DMBT1: variants seen among roughly 807,000 people sequenced by gnomAD.
DMBT1 encodes scavenger receptor cysteine-rich domain-containing protein DMBT1.
In DMBT1, 198 loss-of-function variants were observed where a neutral mutation model predicts 252.9. That is an observed-to-expected ratio of 0.78 (90% CI 0.70 to 0.88). The LOEUF (loss-of-function observed/expected upper bound fraction) is 0.88. Ranked by LOEUF, DMBT1 falls within the 40% of genes least tolerant of loss-of-function variation. DMBT1 has a pLI of 0.00. For missense variants in DMBT1, 2,432 were observed against 2,404.7 expected (o/e 1.01, Z -0.24); for synonymous variants, 990 against 942.7 (o/e 1.05, Z -0.92).
chr10:122,561,339 C>A (rs919744485), intron 1 of DMBT1, among the ~76,000 whole-genome samples: 1 of 151,874 alleles, frequency 6.6e-6, no homozygotes, highest in African/African-American at 2.4e-5. Context: ...ATTAAGATTC[C>A]AAGTTTGTCT....
rs746678951 is a variant in DMBT1 at position 122,625,962 on chromosome 10, G to A, written c.5665G>A (p.Ala1889Thr). The change falls in exon 46 of 56, where the codon GCA becomes ACA. Residue 1889 changes from alanine (A) to threonine (T), a missense_variant. Ala to Thr is a moderately conservative substitution (Grantham distance 58). This residue lies in a region of DMBT1 where 1,162 missense variants were observed against 1,169.0 expected (regional missense o/e 0.99). Transcript: ENST00000338354. ...GTGGCATCCAACAACTACAACCACTGCAAGTAGGTATCACATTTTCTACCT... is the reference window on the plus strand; with the variant it reads ...GTGGCATCCAACAACTACAACCACTACAAGTAGGTATCACATTTTCTACCT... The part of the protein sequence containing the change: ...DWWHPTTTTT[A>T]RPSSNCGGFL... 6.2e-7 allele frequency: 1 copy of A among 1,611,270 alleles called. No individual in the cohort carries two copies. Among genetic ancestry groups the A allele is most frequent in the South Asian group, 1.1e-5 (1 of 91,010 alleles).
intron 17 of DMBT1, among the ~76,000 whole-genome samples, chr10:122,590,459 C>G (rs1160841034): frequency 1.3e-5 from 2 of 148,530 alleles, no homozygotes; most frequent in African/African-American, 4.9e-5. Context: ...CAAACTTAAT[C>G]ACTTTGGAGC....
At chr10:122,585,352 T>C in intron 15 of DMBT1, 43 bp downstream of exon 15, 2 of 1,565,626 alleles carry the variant, frequency 1.3e-6, no homozygotes, top group Non-Finnish European at 1.7e-6. Flanking sequence ...ACTCTCTACC[T>C]CTGGACAAAT....
chr10:122,620,817 T>C (rs2098059405), intron 43 of DMBT1, among the ~76,000 whole-genome samples: 1 of 152,218 alleles, frequency 6.6e-6, no homozygotes, highest in Non-Finnish European at 1.5e-5. Context: ...TCCATTCCTG[T>C]CACCTCCAGT....
intron 7 of DMBT1, 26 bp from the exon 8 acceptor site, chr10:122,577,785 C>T: frequency 1.2e-6 from 2 of 1,613,518 alleles, no homozygotes; most frequent in Non-Finnish European, 1.7e-6. Context: ...TGTTTGGTGT[C>T]TAATGTTGCT....
Position 122,620,911 on chromosome 10 carries a change from G to A in DMBT1, c.5285-146G>A. 6.1e-6 allele frequency: 9 copies of A among 1,466,628 alleles called. No homozygotes were observed. In the South Asian group the frequency reaches 1.1e-4, roughly 17 times the overall value. 90.9% of individuals were successfully genotyped at this position (1,466,628 alleles called of 1,614,324 possible). ...TCACTGCTTCTTCCACTATCATGAA[G>A]CTGAACCTCTGTCTGTATTCATATT... On this transcript the variant is annotated intron_variant, in intron 43 of 55. Transcript: ENST00000338354.
chr10:122,622,942 G>A (rs1189851422), intron 44 of DMBT1, among the ~76,000 whole-genome samples: 1 of 152,140 alleles, frequency 6.6e-6, no homozygotes, highest in African/African-American at 2.4e-5. Flanking sequence ...TCTATCCTGA[G>A]ATGGAACCTT....
chr10:122,600,212 C>T (rs1176530020), intron 27 of DMBT1, 119 bp downstream of exon 27: 9 of 1,377,514 alleles, frequency 6.5e-6, no homozygotes, highest in Admixed American at 2.3e-5. Context: ...ATTATTTCTA[C>T]CCCCAACACC....
rs372643846 is a variant in DMBT1, at chr10:122,640,220, G to A, written c.7123G>A (p.Glu2375Lys). 9.9e-6 allele frequency: 16 copies of A among 1,613,944 alleles called. No homozygotes were observed. In the African/African-American group the frequency reaches 1.1e-4, roughly 11 times the overall value. Residue 2375 changes from glutamate (E) to lysine (K), a missense_variant, in exon 55 of 56, where the codon GAG becomes AAG. By Grantham distance (56) the Glu-to-Lys change is moderately conservative. This residue lies in a region of DMBT1 where 1,162 missense variants were observed against 1,169.0 expected (regional missense o/e 0.99). Coordinates refer to ENST00000338354, the MANE Select transcript of DMBT1 (RefSeq NM_001377530.1). Reference protein sequence around the residue: ...IHVANNTIQVEEVQYGNFDVN... With the variant: ...IHVANNTIQVKEVQYGNFDVN... ...CGTTGCTAATAACACCATCCAGGTC[G>A]AGGAAGTCCAGTATGGCAATTTTGA... is the stretch of plus-strand genomic sequence containing the variant.
intron 3 of DMBT1, 122 bp from the exon 4 acceptor site, chr10:122,570,768 C>A: frequency 1.6e-6 from 2 of 1,230,402 alleles, no homozygotes; most frequent in Non-Finnish European, 2.4e-6. Context: ...TGGCTTTTAG[C>A]AATGGAGGTT....
chr10:122,631,409 A>C, intron 49 of DMBT1, 128 bp downstream of exon 49: 1 of 1,182,564 alleles, frequency 8.5e-7, no homozygotes, highest in Non-Finnish European at 1.2e-6. Context: ...TGGCCTGCGC[A>C]CTCCAGAAGA....
intron 20 of DMBT1, among the ~76,000 whole-genome samples, 169 bp from the exon 21 acceptor site, chr10:122,593,400 C>T (rs2097867873): frequency 6.8e-6 from 1 of 148,094 alleles, no homozygotes; most frequent in Admixed American, 6.7e-5. Flanking sequence ...TGCCTCGACC[C>T]CTTACACGGT....
chr10:122,563,008 G>A (rs950036246), intron 1 of DMBT1, among the ~76,000 whole-genome samples: 18 of 152,224 alleles, frequency 1.2e-4, no homozygotes, highest in African/African-American at 3.9e-4. Flanking sequence ...GCTGCTCCTT[G>A]CAGGGAACTG....
chr10:122,569,117 T>C (rs2981783), intron 2 of DMBT1, among the ~76,000 whole-genome samples: 104,419 of 151,868 alleles, frequency 0.69, 36,098 homozygotes, highest in East Asian at 0.77. Flanking sequence ...TAAAGCTGGA[T>C]ATAGTGGAGG....
rs1431423688 is a variant in DMBT1, at chr10:122,643,424, C to A, written c.*26C>A. ...GTGGTCGCTCTCAGACCCCACTGTC[C>A]ACCGGGGCGCAGACCCCTGACTCGG... On this transcript the variant is annotated 3_prime_UTR_variant, in exon 56 of 56. Coordinates refer to ENST00000338354, the MANE Select transcript of DMBT1 (RefSeq NM_001377530.1). 6.3e-7 allele frequency: 1 copy of A among 1,593,468 alleles called. No individual in the cohort carries two copies. Among genetic ancestry groups the A allele is most frequent in the Non-Finnish European group, 8.6e-7 (1 of 1,168,974 alleles).
intron 4 of DMBT1, among the ~76,000 whole-genome samples, chr10:122,571,784 G>A (rs530642262): frequency 1.1e-4 from 16 of 152,300 alleles, no homozygotes; most frequent in African/African-American, 3.4e-4. Flanking sequence ...ACCATGCCTG[G>A]GGTGTGCCCT....
At position 122,586,202 on chromosome 10, in the gene DMBT1, G is replaced by C. The variant is rs762807417; in HGVS notation, c.1602G>C (p.Gln534His). The change falls in exon 16 of 56, where the codon CAG becomes CAC. Residue 534 changes from glutamine (Q) to histidine (H), a missense_variant. Gln to His is a conservative substitution (Grantham distance 24). Transcript: ENST00000338354. ...ATGATGCCAATGTGGTCTGCAGGCA[G>C]CTGGGCTGTGGCTGGGCCATGTTGG... is the stretch of plus-strand genomic sequence containing the variant. ...DTNDANVVCR[Q>H]LGCGWAMLAP... The C allele has an allele frequency of 6.3e-7, 1 of 1,589,082 alleles. No individual in the cohort carries two copies. The highest frequency in any genetic ancestry group is 1.3e-5 in the African/African-American group (1 of 74,530).
chr10:122,572,016 TCC>T (rs1425618671), intron 4 of DMBT1, among the ~76,000 whole-genome samples: 1 of 152,342 alleles, frequency 6.6e-6, no homozygotes, highest in East Asian at 1.9e-4. Context: ...TCATTTGACG[TCC>T]ATTCTTGTGA....
At chr10:122,597,398 A>T (rs954287247) in intron 24 of DMBT1, among the ~76,000 whole-genome samples, 2 of 152,180 alleles carry the variant, frequency 1.3e-5, no homozygotes, top group African/African-American at 4.8e-5. Flanking sequence ...TGATTGCCAA[A>T]GTCTCCTGGG....
Sources: allele counts gnomAD v4.1 joint callset (sites outside exome capture counted in the v4.1 genomes callset), GRCh38; gene constraint gnomAD v4.1.1; regional missense constraint gnomAD v4.1.1; transcripts MANE v1.5; gene names NCBI Gene and HGNC (gene_info 2026-07-23, HGNC 2026-07-21).